KLF15: variants seen among roughly 807,000 people sequenced by gnomAD.
KLF15 encodes the protein KLF transcription factor 15.
In KLF15, 4 loss-of-function variants were observed where a neutral mutation model predicts 24.6. The observed-to-expected ratio is 0.16, with a 90% CI of 0.08 to 0.37. KLF15 has a LOEUF of 0.37. Ranked by LOEUF, KLF15 falls within the 10% of genes least tolerant of loss-of-function variation. KLF15 has a pLI of 1.00. For synonymous variants in KLF15, 246 were observed against 236.3 expected, an observed-to-expected ratio of 1.04 and a Z score of -0.37; for missense variants, 496 against 560.6, an observed-to-expected ratio of 0.88 and a Z score of 1.16.
chr3:126,314,557 C>A, the KLF15 span, among the ~76,000 whole-genome samples: 1 of 152,180 alleles, frequency 6.6e-6, no homozygotes, highest in Admixed American at 6.5e-5. Flanking sequence ...GTAGCTCCTG[C>A]CTCCCACACC....
downstream of KLF15, chr3:126,342,509 C>T (rs1423383794): frequency 2.0e-5 from 3 of 152,348 alleles, no homozygotes; most frequent in Admixed American, 6.5e-5. Context: ...CCCCAAGGGG[C>T]CTTTCTATCC....
At chr3:126,327,813 T>C in the KLF15 span, among the ~76,000 whole-genome samples, 2 of 152,372 alleles carry the variant, frequency 1.3e-5, no homozygotes, top group East Asian at 3.9e-4. Context: ...CGATTCTTCA[T>C]TGGAAAATGT....
intron 2 of KLF15, among the ~76,000 whole-genome samples, chr3:126,351,284 G>A (rs182551623): frequency 4.6e-5 from 7 of 152,370 alleles, no homozygotes; most frequent in Admixed American, 1.3e-4. Context: ...CCCAGCCCAT[G>A]TGTCCAGAGA....
the KLF15 span, among the ~76,000 whole-genome samples, chr3:126,317,639 T>C: frequency 6.6e-6 from 1 of 152,090 alleles, no homozygotes; most frequent in African/African-American, 2.4e-5. Flanking sequence ...GCAGACAGCC[T>C]ACCCCAAGGG....
chr3:126,318,862 G>A, the KLF15 span, among the ~76,000 whole-genome samples: 320 of 152,300 alleles, frequency 2.1e-3, no homozygotes, highest in Admixed American at 4.4e-3. Context: ...ACTCCTAGTG[G>A]TGTACATTCT....
downstream of KLF15, among the ~76,000 whole-genome samples, chr3:126,340,840 C>A: frequency 6.6e-6 from 1 of 152,206 alleles, no homozygotes. Context: ...CCAGGCCAGG[C>A]ACTGTAACAG....
the KLF15 span, among the ~76,000 whole-genome samples, chr3:126,294,456 A>C: frequency 6.6e-6 from 1 of 152,104 alleles, no homozygotes; most frequent in Non-Finnish European, 1.5e-5. Flanking sequence ...CATTCGTTCC[A>C]CATTTATTAA....
At chr3:126,331,979 C>T in the KLF15 span, among the ~76,000 whole-genome samples, 1 of 152,190 alleles carries the variant, frequency 6.6e-6, no homozygotes, top group Non-Finnish European at 1.5e-5. Flanking sequence ...TGCAAGGCGC[C>T]AGCGAGGCTG....
chr3:126,317,347 TC>T, the KLF15 span, among the ~76,000 whole-genome samples: 1 of 152,140 alleles, frequency 6.6e-6, no homozygotes, highest in East Asian at 1.9e-4. Context: ...TGTTACACTG[TC>T]TTTCCAAAAT....
chr3:126,314,936 C>T, the KLF15 span, among the ~76,000 whole-genome samples: 1 of 152,210 alleles, frequency 6.6e-6, no homozygotes, highest in African/African-American at 2.4e-5. Context: ...TGCCAGAGCA[C>T]TACACACTAG....
chr3:126,321,223 C>T, the KLF15 span, among the ~76,000 whole-genome samples: 2 of 152,190 alleles, frequency 1.3e-5, no homozygotes, highest in African/African-American at 4.8e-5. Context: ...CTCTCTACAC[C>T]CTTTCCCAGC....
intron 1 of KLF15, 108 bp from the exon 2 acceptor site, chr3:126,353,055 A>G (rs2082600260): frequency 4.8e-6 from 6 of 1,262,664 alleles, no homozygotes; most frequent in Non-Finnish European, 6.4e-6. Context: ...TCCTATTGCC[A>G]AACGCCTGGA....
At chr3:126,349,331 C>T (rs1419676816) in intron 2 of KLF15, among the ~76,000 whole-genome samples, 1 of 152,156 alleles carries the variant, frequency 6.6e-6, no homozygotes, top group Non-Finnish European at 1.5e-5. Context: ...TCAGGAAGCC[C>T]GGGGCATGGC....
chr3:126,351,357 G>A (rs946790931), intron 2 of KLF15, among the ~76,000 whole-genome samples: 4 of 152,222 alleles, frequency 2.6e-5, no homozygotes, highest in African/African-American at 7.2e-5. Context: ...GTGACCTCTC[G>A]AATCCGGCCT....
At chr3:126,303,954 A>AT in the KLF15 span, among the ~76,000 whole-genome samples, 64,092 of 151,886 alleles carry the variant, frequency 0.42, 13,775 homozygotes, top group African/African-American at 0.46. Context: ...CAGAAGTTTG[A>AT]TTAGGTCTCT....
At chr3:126,333,144 G>A in the KLF15 span, among the ~76,000 whole-genome samples, 1 of 61,502 alleles carries the variant, frequency 1.6e-5, no homozygotes. Flanking sequence ...TTGAAATGAA[G>A]GAAAAAATGT....
chr3:126,303,256 T>G, the KLF15 span, among the ~76,000 whole-genome samples: 63,970 of 151,658 alleles, frequency 0.42, 13,755 homozygotes, highest in African/African-American at 0.46. Flanking sequence ...TCATCCTTTT[T>G]TATAAACTCA....
At chr3:126,315,574 G>T in the KLF15 span, among the ~76,000 whole-genome samples, 1 of 152,154 alleles carries the variant, frequency 6.6e-6, no homozygotes. Context: ...GGAGGAGAGC[G>T]GGAGGGGAGG....
chr3:126,318,413 T>C, the KLF15 span, among the ~76,000 whole-genome samples: 30 of 152,198 alleles, frequency 2.0e-4, no homozygotes, highest in Non-Finnish European at 3.1e-4. Context: ...AGTTTCTAGC[T>C]TCCTTTACAT....
Sources: gnomAD v4.1 joint callset for allele counts (sites outside exome capture counted in the v4.1 genomes callset) on GRCh38, gnomAD v4.1.1 for gene constraint, MANE v1.5 for transcripts, NCBI Gene and HGNC (gene_info 2026-07-23, HGNC 2026-07-21) for gene names.